The following MCF2L variants were observed in gnomAD, a reference collection of about 807,000 sequenced individuals.
MCF2L encodes the protein MCF.2 cell line derived transforming sequence like.
Under a neutral mutation model 153.4 loss-of-function variants are expected in MCF2L, and 97 were observed. The ratio of observed to expected loss-of-function variants is 0.63; its 90% confidence interval spans 0.54 to 0.75. The LOEUF (loss-of-function observed/expected upper bound fraction) is 0.75. MCF2L is among the 30% of genes least tolerant of loss of function. The probability of loss-of-function intolerance (pLI) is 0.00; values close to 1 mark genes in which losing one functional copy is unlikely to be tolerated. For missense variants in MCF2L, 1,347 were observed against 1,495.2 expected, an observed-to-expected ratio of 0.90 and a Z score of 1.64; for synonymous variants, 659 against 632.2, an observed-to-expected ratio of 1.04 and a Z score of -0.64.
intron 3 of MCF2L, among the ~76,000 whole-genome samples, chr13:113,029,755 A>C (rs1480396504): frequency 6.6e-6 from 1 of 152,198 alleles, no homozygotes. Flanking sequence ...CTTTTCTTCC[A>C]GGAGATGGTG....
At chr13:112,981,908 G>A (rs1006864025) in intron 1 of MCF2L, among the ~76,000 whole-genome samples, 2 of 152,248 alleles carry the variant, frequency 1.3e-5, no homozygotes, top group Admixed American at 1.3e-4. Flanking sequence ...TTTCTTCCCA[G>A]GATGTGCGTC....
rs2140710464 is a variant in MCF2L at position 112,951,207 on chromosome 13, T to C, written c.169+48836T>C. Among the ~76,000 whole-genome samples the C allele has an allele frequency of 6.6e-6, 1 of 152,352 alleles. No individual in the cohort carries two copies. Among genetic ancestry groups the C allele is most frequent in the African/African-American group, 2.4e-5 (1 of 41,580 alleles). On this transcript the variant is annotated intron_variant, in intron 2 of 29. Coordinates refer to the MCF2L transcript ENST00000375608. The surrounding 1 kb of genome is among the most constrained non-coding windows in gnomAD (Gnocchi z 4.8). ...GATAAAAGATAGTGCCAACTTCGAA[T>C]GCTGGCAGGGATGTGGATAAACTGG...
chr13:112,905,374 A>T (rs1220464947), intron 2 of MCF2L, among the ~76,000 whole-genome samples: 1 of 152,222 alleles, frequency 6.6e-6, no homozygotes, highest in African/African-American at 2.4e-5. Flanking sequence ...GAGCAGTTTC[A>T]GAACTAAAGG....
rs934661804 is a variant in MCF2L at position 113,035,959 on chromosome 13, T to C, written c.279-9312T>C. ...CTAAGGGATGTTTGACCTCAGCAGG[T>C]AGAGTATCATCTCCGTGGTACAGCA... On this transcript the variant is annotated intron_variant, in intron 3 of 29. Transcript: ENST00000535094. The surrounding 1 kb of genome is among the most constrained non-coding windows in gnomAD (Gnocchi z 4.4). 6.6e-6 allele frequency among the ~76,000 whole-genome samples: 1 copy of C among 152,172 alleles called. No homozygotes were observed. Among genetic ancestry groups the C allele is most frequent in the East Asian group, 1.9e-4 (1 of 5,196 alleles).
chr13:113,001,547 C>G, intron 1 of MCF2L: 1 of 314,016 alleles, frequency 3.2e-6, no homozygotes, highest in East Asian at 8.1e-5. Flanking sequence ...CAGGTCCCTG[C>G]CACTCAGTGG....
At chr13:113,030,247 G>A (rs147090057) in intron 3 of MCF2L, among the ~76,000 whole-genome samples, 2 of 151,570 alleles carry the variant, frequency 1.3e-5, no homozygotes, top group Admixed American at 6.6e-5. Flanking sequence ...GTCCGCTGAC[G>A]CAGGTGTGGA....
intron 2 of MCF2L, among the ~76,000 whole-genome samples, chr13:112,930,240 C>T (rs2081448025): frequency 6.6e-6 from 1 of 152,192 alleles, no homozygotes; most frequent in South Asian, 2.1e-4. Context: ...CAAAAACCTG[C>T]ACATAAGTGT....
intron 4 of MCF2L, among the ~76,000 whole-genome samples, chr13:113,055,640 C>T (rs989670343): frequency 2.0e-5 from 3 of 152,204 alleles, no homozygotes; most frequent in African/African-American, 7.2e-5. Context: ...AGAATCTGCC[C>T]TGGGGCGTCC....
In MCF2L at chr13:113,033,617, C is replaced by A. The variant is rs138726109; in HGVS notation, c.278+8859C>A. On this transcript the variant is annotated intron_variant, in intron 3 of 29. Transcript: ENST00000535094. ...CCCTGTTTCTGGCAGTTCTCAAATG[C>A]TCCAGCTGGGTGATTTCCCCCCCCC... Among the ~76,000 whole-genome samples, 422 of 152,258 alleles carry A rather than the reference C, an allele frequency of 2.8e-3. 1 individual carries two copies. Among genetic ancestry groups the A allele is most frequent in the African/African-American group, 9.5e-3 (393 of 41,514 alleles).
upstream of MCF2L, chr13:112,968,139 A>AGGT (rs1555355440): frequency 4.0e-5 from 2 of 50,424 alleles, no homozygotes; most frequent in Non-Finnish European, 7.5e-5. Flanking sequence ...TTGGGGAGTG[A>AGGT]GGTGGGGGGG....
chr13:113,095,010 C>T (rs1370014202), intron 27 of MCF2L: 1 of 1,376,360 alleles, frequency 7.3e-7, no homozygotes, highest in Admixed American at 1.9e-5. Context: ...GTGGGTGCAC[C>T]TTCCTCAGAG....
rs945195590 is a variant in MCF2L, at chr13:113,070,905, T to A, written c.996+732T>A. On this transcript the variant is annotated intron_variant, in intron 9 of 29. Coordinates refer to ENST00000535094, the MANE Select transcript of MCF2L (RefSeq NM_001112732.3). The surrounding 1 kb of genome is among the most constrained non-coding windows in gnomAD (Gnocchi z 5.6). ...GCTGTTACAAACATTGATATACTGA[T>A]GTTGGTGTAAATGTAAGTTTTCATT... Among the ~76,000 whole-genome samples, 4 of 152,242 alleles carry A rather than the reference T, an allele frequency of 2.6e-5. No individual in the cohort carries two copies. Among genetic ancestry groups the A allele is most frequent in the African/African-American group, 9.6e-5 (4 of 41,464 alleles).
intron 1 of MCF2L, among the ~76,000 whole-genome samples, chr13:112,895,632 G>C (rs940876847): frequency 3.3e-5 from 5 of 152,268 alleles, no homozygotes; most frequent in East Asian, 3.9e-4. Context: ...GTGGGTAGCT[G>C]GGGGGACGGG....
At position 113,088,622 on chromosome 13, in the gene MCF2L, G is replaced by A. The variant is rs1055718219; in HGVS notation, c.2828G>A (p.Ser943Asn). Reference sequence around the variant, plus strand: ...AGCCTGCCCCTGCCGGCCCCGACCAGCACCAGGTGAGAATGGACACGCTGC... The same window carrying A: ...AGCCTGCCCCTGCCGGCCCCGACCAACACCAGGTGAGAATGGACACGCTGC... ...SQSLPLPAPTSTSPSRGNSRN... is the reference protein window; with the variant it reads ...SQSLPLPAPTNTSPSRGNSRN... Residue 943 changes from serine (S) to asparagine (N), a missense_variant, in exon 25 of 30, where the codon AGC (serine) becomes AAC (asparagine). Physicochemically the swap from Ser to Asn is conservative, Grantham distance 46. This residue lies in a region of MCF2L where 383 missense variants were observed against 335.4 expected (regional missense o/e 1.14). Transcript: ENST00000535094. 7.5e-6 allele frequency: 12 copies of A among 1,606,994 alleles called. No individual in the cohort carries two copies. The highest frequency in any genetic ancestry group is 1.7e-5 in the Admixed American group (1 of 59,924).
chr13:112,980,492 G>A (rs550683523), intron 1 of MCF2L, among the ~76,000 whole-genome samples: 77 of 152,320 alleles, frequency 5.1e-4, no homozygotes, highest in African/African-American at 1.7e-3. Context: ...ATGGATGGGC[G>A]GCGGCTGGGC....
chr13:113,044,709 G>GT, intron 3 of MCF2L: 2 of 1,612,894 alleles, frequency 1.2e-6, no homozygotes, highest in Non-Finnish European at 8.5e-7. Context: ...ACGCGCAAGT[G>GT]TGGTCTCTGT....
At chr13:112,917,369 T>G (rs1223730596) in intron 2 of MCF2L, 2 of 351,816 alleles carry the variant, frequency 5.7e-6, no homozygotes, top group African/African-American at 4.3e-5. Context: ...CATGCCCGTA[T>G]CCGACCTCCC....
rs1159839131 is a variant in MCF2L at position 113,005,294 on chromosome 13, G to A, written c.80-9469G>A. Among the ~76,000 whole-genome samples, 6 of 152,244 alleles carry A rather than the reference G, an allele frequency of 3.9e-5. No individual in the cohort carries two copies. The East Asian group carries it at 1.2e-3, about 29-fold the overall frequency. On this transcript the variant is annotated intron_variant, in intron 1 of 29. Transcript: ENST00000535094. ...GAAAGGCAAAGCCACGGCCCCACTCGTGTGGGGTGTCAGAGACGCCGACAA... is the reference window on the plus strand; with the variant it reads ...GAAAGGCAAAGCCACGGCCCCACTCATGTGGGGTGTCAGAGACGCCGACAA...
chr13:112,905,271 A>C (rs2081161616), intron 2 of MCF2L, among the ~76,000 whole-genome samples: 1 of 152,228 alleles, frequency 6.6e-6, no homozygotes, highest in Admixed American at 6.5e-5. Flanking sequence ...TACTGTGTCC[A>C]GTCCCCATTG....
Sources: gnomAD v4.1 joint callset for allele counts (sites outside exome capture counted in the v4.1 genomes callset) on GRCh38, gnomAD v4.1.1 for gene constraint, gnomAD v4.1.1 regional missense constraint, Gnocchi (gnomAD v3.1) non-coding constraint, MANE v1.5 for transcripts, NCBI Gene and HGNC (gene_info 2026-07-23, HGNC 2026-07-21) for gene names.